The following SLC37A1 variants were observed in gnomAD, a reference collection of about 807,000 sequenced individuals.
SLC37A1 encodes glucose-6-phosphate exchanger SLC37A1.
Under a neutral mutation model 75.3 loss-of-function variants are expected in SLC37A1, and 49 were observed. The observed-to-expected ratio is 0.65, with a 90% confidence interval of 0.52 to 0.83. The LOEUF is 0.83. Ranked by LOEUF, SLC37A1 falls within the 40% of genes least tolerant of loss-of-function variation. The pLI, the probability that SLC37A1 is intolerant of heterozygous loss-of-function variation, is 0.00. For synonymous variants in SLC37A1, 268 were observed against 292.1 expected (o/e 0.92, Z 0.84); for missense variants, 566 against 695.0 (o/e 0.81, Z 2.09).
chr21:42,569,516 TCGTGCCG>T (rs2056071398), intron 17 of SLC37A1, among the ~76,000 whole-genome samples: 5 of 18,980 alleles, frequency 2.6e-4, no homozygotes, highest in African/African-American at 1.2e-3. Flanking sequence ...CCGCACTCCC[TCGTGCCG>T]CACTCCCTCG....
intron 1 of SLC37A1, among the ~76,000 whole-genome samples, chr21:42,517,992 C>A (rs560614930): frequency 5.9e-5 from 9 of 152,304 alleles, no homozygotes; most frequent in African/African-American, 2.2e-4. Flanking sequence ...CTCTAGATGC[C>A]TCCCAGATAG....
chr21:42,529,008 A>G (rs1414125664), intron 3 of SLC37A1, among the ~76,000 whole-genome samples: 2 of 152,182 alleles, frequency 1.3e-5, no homozygotes, highest in African/African-American at 4.8e-5. Flanking sequence ...AATTGAATAA[A>G]ATAATCTTAA....
chr21:42,535,371 A>ACC, intron 4 of SLC37A1, 101 bp from the exon 5 acceptor site: 1 of 993,554 alleles, frequency 1.0e-6, no homozygotes, highest in African/African-American at 1.6e-5. Context: ...CACTAAGTAC[A>ACC]CCCCGATTTC....
intron 2 of SLC37A1, among the ~76,000 whole-genome samples, chr21:42,505,692 T>C (rs1275037622): frequency 1.3e-4 from 20 of 152,222 alleles, no homozygotes; most frequent in Non-Finnish European, 1.0e-4. Context: ...GTGCAAAACA[T>C]TGGCTTGTGA....
At chr21:42,533,262 A>G (rs537049199) in intron 3 of SLC37A1, among the ~76,000 whole-genome samples, 1 of 152,202 alleles carries the variant, frequency 6.6e-6, no homozygotes, top group African/African-American at 2.4e-5. Context: ...ACGGGCACTG[A>G]ATGGGCACTC....
At chr21:42,562,450 C>A (rs1376530291) in intron 12 of SLC37A1, among the ~76,000 whole-genome samples, 1 of 152,122 alleles carries the variant, frequency 6.6e-6, no homozygotes, top group Non-Finnish European at 1.5e-5. Context: ...GGGCAGCCTG[C>A]GTTTAAACGT....
At chr21:42,563,273 T>C (rs1157834560) in intron 12 of SLC37A1, among the ~76,000 whole-genome samples, 1 of 152,232 alleles carries the variant, frequency 6.6e-6, no homozygotes. Context: ...CCAGTCTGTT[T>C]GAAAAAAGCA....
intron 5 of SLC37A1, among the ~76,000 whole-genome samples, chr21:42,538,046 C>A (rs559279869): frequency 1.3e-5 from 2 of 152,262 alleles, no homozygotes; most frequent in African/African-American, 4.8e-5. Flanking sequence ...TCAATTAGAC[C>A]TTTTCTTTAA....
intron 17 of SLC37A1, among the ~76,000 whole-genome samples, chr21:42,572,005 T>C (rs1295399673): frequency 1.3e-5 from 2 of 152,162 alleles, no homozygotes; most frequent in African/African-American, 2.4e-5. Flanking sequence ...TCTAGACCCC[T>C]GTTTACCACT....
rs1172930823 is a variant in SLC37A1 at position 42,514,112 on chromosome 21, A to T, written c.-784A>T. ...CTTCCTTTTCTTTTTTTTCGGGGGG[A>T]GGTGGGGGCTGGTTTGGATGTTTTC... On this transcript the variant is annotated 5_prime_UTR_variant, in exon 1 of 20. Coordinates refer to ENST00000352133, the MANE Select transcript of SLC37A1 (RefSeq NM_001320537.2). This position sits in a 1 kb window ranked among gnomAD's most constrained non-coding sequence, Gnocchi z 4.8. The T allele has an allele frequency of 2.9e-5, 4 of 137,956 alleles. No individual in the cohort carries two copies. Among genetic ancestry groups the T allele is most frequent in the African/African-American group, 1.1e-4 (4 of 36,320 alleles). 8.5% of individuals were successfully genotyped at this position (137,956 alleles called of 1,614,324 possible).
intron 12 of SLC37A1, 149 bp downstream of exon 12, chr21:42,562,317 C>T (rs145635589): frequency 1.6e-5 from 11 of 689,144 alleles, no homozygotes; most frequent in East Asian, 1.3e-4. Context: ...TATGATGAAA[C>T]ATAGGCTAAA....
chr21:42,547,478 T>G lies in SLC37A1; in HGVS notation c.768+338T>G, dbSNP rs2055440093. ...AGTGTGACGGGGAAAAACGCACGTG[T>G]CAGCTGCCTGCCATCACTTAAGTTG... On this transcript the variant is annotated intron_variant, in intron 9 of 19. Transcript: ENST00000352133. The surrounding 1 kb of genome is among the most constrained non-coding windows in gnomAD (Gnocchi z 6.1). 1 of 267,552 alleles carries G rather than the reference T, an allele frequency of 3.7e-6. No homozygotes were observed. The highest frequency in any genetic ancestry group is 7.1e-6 in the Non-Finnish European group (1 of 139,936). The allele number at this position is 267,552 out of a possible 1,614,324, so 16.6% of individuals were successfully genotyped here. A position where few individuals can be genotyped will look rare whatever the true frequency, so the allele number is the denominator to read the frequency against.
At chr21:42,556,453 T>A (rs905404840) in intron 10 of SLC37A1, among the ~76,000 whole-genome samples, 3 of 152,230 alleles carry the variant, frequency 2.0e-5, no homozygotes, top group African/African-American at 4.8e-5. Context: ...GCAGACAGCA[T>A]CGGGTAGCGG....
intron 2 of SLC37A1, among the ~76,000 whole-genome samples, chr21:42,522,380 T>A (rs1256532706): frequency 6.6e-6 from 1 of 152,224 alleles, no homozygotes; most frequent in African/African-American, 2.4e-5. Context: ...GTTTGGCTTC[T>A]GGGGGTTTGA....
At chr21:42,524,141 C>T (rs1203177003) in intron 2 of SLC37A1, among the ~76,000 whole-genome samples, 1 of 152,096 alleles carries the variant, frequency 6.6e-6, no homozygotes, top group East Asian at 1.9e-4. Flanking sequence ...ATTATTGATT[C>T]AGGTTGTTGG....
intron 1 of SLC37A1, among the ~76,000 whole-genome samples, chr21:42,517,438 G>T (rs2054541734): frequency 6.6e-6 from 1 of 152,208 alleles, no homozygotes; most frequent in South Asian, 2.1e-4. Context: ...GCTCAGCAGG[G>T]ATTTTGAATC....
intron 3 of SLC37A1, 128 bp from the exon 4 acceptor site, chr21:42,534,570 A>G (rs536506039): frequency 2.9e-5 from 34 of 1,171,202 alleles, no homozygotes; most frequent in Non-Finnish European, 3.6e-5. Context: ...TCCCTCTTAG[A>G]ATGCAGGGTG....
At chr21:42,561,795 C>A (rs986401485) in intron 11 of SLC37A1, 6 of 411,010 alleles carry the variant, frequency 1.5e-5, no homozygotes, top group African/African-American at 1.0e-4. Flanking sequence ...GGCCTGCACC[C>A]CATGTGACAG....
chr21:42,533,896 T>C (rs2055062925), intron 3 of SLC37A1, among the ~76,000 whole-genome samples: 1 of 152,210 alleles, frequency 6.6e-6, no homozygotes, highest in African/African-American at 2.4e-5. Flanking sequence ...TCTCCAACCC[T>C]GGCCCTGCTT....
Sources: gnomAD v4.1 joint callset for allele counts (sites outside exome capture counted in the v4.1 genomes callset) on GRCh38, gnomAD v4.1.1 for gene constraint, Gnocchi (gnomAD v3.1) non-coding constraint, MANE v1.5 for transcripts, NCBI Gene and HGNC (gene_info 2026-07-23, HGNC 2026-07-21) for gene names.